Variants in NT5C1B observed in about 807,000 individuals in gnomAD.
NT5C1B encodes cytosolic 5'-nucleotidase 1B.
A neutral mutation model predicts 57.8 loss-of-function variants in NT5C1B; 44 were observed. The observed-to-expected ratio is 0.76, with a 90% CI of 0.60 to 0.98. NT5C1B has a LOEUF of 0.98. Among genes scored for constraint, NT5C1B ranks in the 50% least tolerant of loss-of-function variants. The pLI is 0.00. For missense variants in NT5C1B, 742 were observed against 719.5 expected, an observed-to-expected ratio of 1.03 and a Z score of -0.36; for synonymous variants, 284 against 282.6, an observed-to-expected ratio of 1.00 and a Z score of -0.05.
At chr2:18,576,821 A>G (rs748080394) in exon 7 of NT5C1B, 40 of 1,613,852 alleles carry the variant, frequency 2.5e-5, no homozygotes, top group Admixed American at 8.3e-5. Flanking sequence ...GCAATATACA[A>G]GTTGGTAAGA....
chr2:18,588,875 T>G (rs1666956531), intron 1 of NT5C1B, among the ~76,000 whole-genome samples: 2 of 152,216 alleles, frequency 1.3e-5, no homozygotes, highest in Admixed American at 6.5e-5. Flanking sequence ...TGCATGCCCT[T>G]CACTCTATAC....
chr2:18,583,950 G>A (rs1222096771), intron 5 of NT5C1B, 138 bp downstream of exon 5: 2 of 1,473,436 alleles, frequency 1.4e-6, no homozygotes, highest in East Asian at 2.3e-5. Flanking sequence ...AAACTGACCT[G>A]GGTCAGCTAG....
chr2:18,573,080 TGTG>T (rs934766964), intron 8 of NT5C1B, among the ~76,000 whole-genome samples: 15 of 152,250 alleles, frequency 9.9e-5, no homozygotes, highest in Admixed American at 9.8e-4. Context: ...ATAAAGAAAA[TGTG>T]GTACATCCAC....
intron 7 of NT5C1B, 48 bp from the exon 8 acceptor site, chr2:18,576,416 T>G: frequency 6.4e-7 from 1 of 1,560,556 alleles, no homozygotes; most frequent in Non-Finnish European, 8.6e-7. Context: ...GTCCATGAGT[T>G]ATAGTTTCTA....
In NT5C1B at chr2:18,571,718, G is replaced by GTATATA. The variant is rs59799495; in HGVS notation, c.1329+4460_1329+4465dup. Among the ~76,000 whole-genome samples, 92 of 111,420 alleles carry GTATATA rather than the reference G, an allele frequency of 8.3e-4. 1 individual carries two copies. Among genetic ancestry groups the GTATATA allele is most frequent in the East Asian group, 6.5e-3 (19 of 2,906 alleles). The allele number at this position is 111,420 out of a possible 152,430, so 73.1% of individuals were successfully genotyped here. A position where few individuals can be genotyped will look rare whatever the true frequency, so the allele number is the denominator to read the frequency against. ...TCTCTCTCTTTCTCTCTGTGTGTGTGTATATATATATATATATATATATAT... is the reference window on the plus strand; with the variant it reads ...TCTCTCTCTTTCTCTCTGTGTGTGTGTATATATATATATATATATATATATATATAT... On this transcript the variant is annotated intron_variant, in intron 8 of 8. Coordinates refer to ENST00000304081, the Ensembl canonical transcript of NT5C1B.
chr2:18,576,474 T>C, intron 7 of NT5C1B, 106 bp from the exon 8 acceptor site: 1 of 1,402,906 alleles, frequency 7.1e-7, no homozygotes. Context: ...TCTCTCTAGC[T>C]ATTACCTGAT....
intron 8 of NT5C1B, 118 bp downstream of exon 8, chr2:18,576,066 A>G: frequency 9.1e-7 from 1 of 1,102,966 alleles, no homozygotes; most frequent in African/African-American, 1.7e-5. Flanking sequence ...ATAAGACAGT[A>G]AGAAGGAGTG....
chr2:18,584,823 C>T lies in NT5C1B; in HGVS notation c.414G>A (p.Glu138=), dbSNP rs1572378685. ...TGCTGCGCCGGGAGCCAGGATCGGG[C>T]TCTGGGGGCGTGGGAGGCCGCGAGT... The change falls in exon 4 of 9, where the codon GAG becomes GAA. Residue 138 remains glutamate, a synonymous_variant. Coordinates refer to ENST00000304081, the Ensembl canonical transcript of NT5C1B. The surrounding 1 kb of genome is among the most constrained non-coding windows in gnomAD (Gnocchi z 5.8). 2 of 1,612,218 alleles carry T rather than the reference C, an allele frequency of 1.2e-6. No homozygotes were observed. Among genetic ancestry groups the T allele is most frequent in the Non-Finnish European group, 1.7e-6 (2 of 1,179,458 alleles).
Position 18,584,993 on chromosome 2 carries a change from T to C in NT5C1B, c.259-15A>G. ...CTGCTGGGGAGCTGCAGCAAGACAATGGGCGTCTGAAGTCGAGGCCTGCCT... is the reference window on the plus strand; with the variant it reads ...CTGCTGGGGAGCTGCAGCAAGACAACGGGCGTCTGAAGTCGAGGCCTGCCT... On this transcript the variant is annotated splice_polypyrimidine_tract_variant and intron_variant, in intron 3 of 8. Coordinates refer to ENST00000304081, the Ensembl canonical transcript of NT5C1B. This position sits in a 1 kb window ranked among gnomAD's most constrained non-coding sequence, Gnocchi z 5.8. 6.4e-7 allele frequency: 1 copy of C among 1,564,992 alleles called. No homozygotes were observed. Among genetic ancestry groups the C allele is most frequent in the African/African-American group, 1.3e-5 (1 of 74,144 alleles).
intron 8 of NT5C1B, among the ~76,000 whole-genome samples, chr2:18,565,570 A>G (rs60863777): frequency 0.019 from 2,964 of 152,198 alleles, 82 homozygotes; most frequent in African/African-American, 0.063. Flanking sequence ...CTTGATTGCC[A>G]TGCCACCTCT....
chr2:18,571,718 G>GTGTGTGTGTA (rs1246189018), intron 8 of NT5C1B, among the ~76,000 whole-genome samples: 1 of 111,444 alleles, frequency 9.0e-6, no homozygotes, highest in African/African-American at 3.2e-5. Context: ...CTGTGTGTGT[G>GTGTGTGTGTA]TATATATATA....
chr2:18,576,730 G>A (rs1180715973), intron 7 of NT5C1B, 43 bp downstream of exon 7: 1 of 1,609,180 alleles, frequency 6.2e-7, no homozygotes, highest in Admixed American at 1.7e-5. Context: ...CACCATTAGT[G>A]TAAACCTCTT....
chr2:18,576,489 C>T (rs1665690079), intron 7 of NT5C1B, 121 bp from the exon 8 acceptor site: 2 of 1,341,492 alleles, frequency 1.5e-6, no homozygotes, highest in Admixed American at 2.9e-5. Context: ...CCTGATGGCT[C>T]AACTCCTCTT....
At chr2:18,576,234 C>A (rs758642190) in exon 8 of NT5C1B, 29 of 1,613,474 alleles carry the variant, frequency 1.8e-5, no homozygotes, top group Non-Finnish European at 2.2e-5. Flanking sequence ...AAGAATTTGT[C>A]GAGCCCATGC....
chr2:18,582,993 A>C, exon 6 of NT5C1B: 1 of 1,613,220 alleles, frequency 6.2e-7, no homozygotes, highest in Non-Finnish European at 8.5e-7. Flanking sequence ...GACATACTGT[A>C]GTGCCTGCAG....
In NT5C1B at chr2:18,577,634, C is replaced by T. The variant is rs184903396; in HGVS notation, c.1022-739G>A. ...ACTGTTAAGAGGGGAGTTTATAGCA[C>T]GAAACACCTTCATTGAAAGTTAGAA... On this transcript the variant is annotated intron_variant, in intron 6 of 8. Transcript: ENST00000304081. 1.9e-3 allele frequency among the ~76,000 whole-genome samples: 282 copies of T among 150,924 alleles called. 4 individuals are homozygous for T. Among genetic ancestry groups the T allele is most frequent in the Non-Finnish European group, 3.8e-4 (26 of 67,802 alleles).
chr2:18,576,191 A>G (rs1445779057), exon 8 of NT5C1B: 5 of 1,610,630 alleles, frequency 3.1e-6, no homozygotes, highest in Non-Finnish European at 4.2e-6. Context: ...TACCTGAGCA[A>G]GAGGCTTACT....
In NT5C1B at chr2:18,584,831, G is replaced by T. The variant is rs781388392; in HGVS notation, c.406C>A (p.Pro136Thr). The T allele has an allele frequency of 6.2e-7, 1 of 1,611,428 alleles. No individual in the cohort carries two copies. The highest frequency in any genetic ancestry group is 1.7e-5 in the Admixed American group (1 of 59,920). Reference sequence around the variant, plus strand: ...CGGGAGCCAGGATCGGGCTCTGGGGGCGTGGGAGGCCGCGAGTCCAGCGAC... The same window carrying T: ...CGGGAGCCAGGATCGGGCTCTGGGGTCGTGGGAGGCCGCGAGTCCAGCGAC... The change falls in exon 4 of 9, where the codon CCC (proline) becomes ACC (threonine). Residue 136 changes from proline (P) to threonine (T), a missense_variant. Pro to Thr is a conservative substitution (Grantham distance 38, BLOSUM62 -1). Coordinates refer to ENST00000304081, the Ensembl canonical transcript of NT5C1B. The surrounding 1 kb of genome is among the most constrained non-coding windows in gnomAD (Gnocchi z 5.8).
intron 5 of NT5C1B, 67 bp from the exon 6 acceptor site, chr2:18,583,064 G>A (rs1666322527): frequency 6.4e-7 from 1 of 1,556,474 alleles, no homozygotes; most frequent in East Asian, 2.3e-5. Flanking sequence ...AGGCCGGAGA[G>A]GAAGCATCTC....
Sources: allele counts gnomAD v4.1 joint callset (sites outside exome capture counted in the v4.1 genomes callset), GRCh38; gene constraint gnomAD v4.1.1; non-coding constraint Gnocchi (gnomAD v3.1); transcripts MANE v1.5; gene names NCBI Gene and HGNC (gene_info 2026-07-23, HGNC 2026-07-21).